Variants in ASAP1 observed in about 807,000 individuals in gnomAD.
ASAP1 encodes arf-GAP with SH3 domain, ANK repeat and PH domain-containing protein 1.
Under a neutral mutation model 145.2 loss-of-function variants are expected in ASAP1, and 43 were observed. That is an observed-to-expected ratio of 0.30 (90% CI 0.23 to 0.38). The LOEUF is 0.38. Among genes scored for constraint, ASAP1 ranks in the 10% least tolerant of loss-of-function variants. The pLI is 1.00. For synonymous variants in ASAP1, 546 were observed against 515.5 expected, an observed-to-expected ratio of 1.06 and a Z score of -0.80; for missense variants, 1,018 against 1,355.3, an observed-to-expected ratio of 0.75 and a Z score of 3.91.
chr8:130,098,051 T>C (rs2135468793), intron 24 of ASAP1, among the ~76,000 whole-genome samples: 1 of 152,338 alleles, frequency 6.6e-6, no homozygotes, highest in African/African-American at 2.4e-5. Flanking sequence ...TACTGAGTAT[T>C]ATGTGCTTGA....
intron 3 of ASAP1, among the ~76,000 whole-genome samples, chr8:130,346,043 T>A (rs942708370): frequency 1.3e-5 from 2 of 152,220 alleles, no homozygotes; most frequent in African/African-American, 4.8e-5. Flanking sequence ...CTTAACCGTA[T>A]TTGGAAAACT....
At chr8:130,294,494 C>T (rs752388936) in intron 3 of ASAP1, among the ~76,000 whole-genome samples, 1 of 152,222 alleles carries the variant, frequency 6.6e-6, no homozygotes, top group Non-Finnish European at 1.5e-5. Context: ...TGTCCAGCTG[C>T]ACAGTGACCT....
chr8:130,221,267 AAG>A (rs1218382536), intron 4 of ASAP1, among the ~76,000 whole-genome samples: 1 of 152,068 alleles, frequency 6.6e-6, no homozygotes, highest in Non-Finnish European at 1.5e-5. Context: ...AAAAGAAAGA[AAG>A]AGAAGGAAGG....
At chr8:130,059,422 C>A (rs2135038124) in intron 28 of ASAP1, among the ~76,000 whole-genome samples, 1 of 152,156 alleles carries the variant, frequency 6.6e-6, no homozygotes, top group East Asian at 1.9e-4. Flanking sequence ...ACTTTGGCCT[C>A]CCAAAGTGCT....
At chr8:130,356,300 G>A (rs995903083) in intron 3 of ASAP1, among the ~76,000 whole-genome samples, 2 of 152,138 alleles carry the variant, frequency 1.3e-5, no homozygotes, top group African/African-American at 4.8e-5. Context: ...ATAACTGGCA[G>A]CTCTATTAGG....
chr8:130,293,049 G>A (rs927081981), intron 3 of ASAP1, among the ~76,000 whole-genome samples: 1 of 152,186 alleles, frequency 6.6e-6, no homozygotes, highest in African/African-American at 2.4e-5. Flanking sequence ...AGCCCTAATT[G>A]GCAGCCCTGC....
At chr8:130,394,028 A>C (rs1055400815) in intron 2 of ASAP1, among the ~76,000 whole-genome samples, 2 of 152,224 alleles carry the variant, frequency 1.3e-5, no homozygotes, top group East Asian at 3.9e-4. Flanking sequence ...ATGTATGTCA[A>C]CTCAGGACCC....
In ASAP1 at chr8:130,208,549, T is replaced by G. The variant is rs570339228; in HGVS notation, c.405+6007A>C. On this transcript the variant is annotated intron_variant, in intron 5 of 29. Transcript: ENST00000518721. ...TTAAAGTCACTCTTTTAGGGAACTT[T>G]TTTTTTTTCACTTTAAGGCAATAAA... The G allele has an allele frequency of 2.0e-5, 3 of 152,304 alleles. No homozygotes were observed. The South Asian group carries it at 6.2e-4, about 32-fold the overall frequency. The allele number at this position is 152,304 out of a possible 1,614,324, so 9.4% of individuals were successfully genotyped here. A position where few individuals can be genotyped will look rare whatever the true frequency, so the allele number is the denominator to read the frequency against.
chr8:130,141,424 T>C (rs1399770075), intron 13 of ASAP1, among the ~76,000 whole-genome samples: 1 of 152,100 alleles, frequency 6.6e-6, no homozygotes, highest in Non-Finnish European at 1.5e-5. Context: ...CTCTCATCAA[T>C]CAGCACCTCC....
chr8:130,065,638 G>C (rs1160652278), intron 27 of ASAP1, among the ~76,000 whole-genome samples: 1 of 152,112 alleles, frequency 6.6e-6, no homozygotes, highest in Non-Finnish European at 1.5e-5. Context: ...AGCTCCATAG[G>C]CCATTCCTTG....
intron 3 of ASAP1, among the ~76,000 whole-genome samples, chr8:130,287,666 A>T (rs1358097764): frequency 2.6e-5 from 4 of 152,340 alleles, no homozygotes; most frequent in African/African-American, 9.6e-5. Context: ...CCTCTGCAAA[A>T]TGCGTAAGCC....
intron 12 of ASAP1, 122 bp downstream of exon 12, chr8:130,159,742 A>C (rs1173321348): frequency 4.1e-6 from 3 of 731,294 alleles, no homozygotes; most frequent in Non-Finnish European, 7.1e-6. Flanking sequence ...GAAGAAAACC[A>C]GTGTGCTAAA....
intron 3 of ASAP1, among the ~76,000 whole-genome samples, chr8:130,304,353 A>G (rs1230859562): frequency 6.6e-6 from 1 of 152,192 alleles, no homozygotes; most frequent in African/African-American, 2.4e-5. Context: ...GTCATCTTTG[A>G]AAGTCTGACA....
At chr8:130,357,335 C>A (rs954052474) in intron 3 of ASAP1, among the ~76,000 whole-genome samples, 1 of 152,240 alleles carries the variant, frequency 6.6e-6, no homozygotes, top group East Asian at 1.9e-4. Context: ...CCTTGTCCAG[C>A]CTCGGAGTGC....
At chr8:130,442,831 T>C (rs1830532045) in intron 1 of ASAP1, among the ~76,000 whole-genome samples, 1 of 152,096 alleles carries the variant, frequency 6.6e-6, no homozygotes, top group South Asian at 2.1e-4. Flanking sequence ...TGAAACTTCA[T>C]GTCGCTCTCA....
In ASAP1 at chr8:130,395,154, C is replaced by T. The variant is rs529948007; in HGVS notation, c.59+6731G>A. The stretch of plus-strand genomic sequence containing the variant: ...CTGGCAAGAAATCTGGAAGCACTCA[C>T]TCAGAGTAACACAGAGTTCCTGCCC... On this transcript the variant is annotated intron_variant, in intron 2 of 29. Transcript: ENST00000518721. Among the ~76,000 whole-genome samples, 8 of 152,316 alleles carry T rather than the reference C, an allele frequency of 5.3e-5. No individual in the cohort carries two copies. The South Asian group carries it at 1.7e-3, about 32-fold the overall frequency.
rs915773826 is a variant in ASAP1 at position 130,052,390 on chromosome 8, TG to T, written c.*2340del. 2.6e-5 allele frequency: 4 copies of T among 152,374 alleles called. No individual in the cohort carries two copies. Among genetic ancestry groups the T allele is most frequent in the Non-Finnish European group, 4.4e-5 (3 of 68,010 alleles). 9.4% of individuals were successfully genotyped at this position (152,374 alleles called of 1,614,324 possible). A position where few individuals can be genotyped will look rare whatever the true frequency, so the allele number is the denominator to read the frequency against. On this transcript the variant is annotated 3_prime_UTR_variant, in exon 30 of 30. Transcript: ENST00000518721. Reference sequence around the variant, plus strand: ...ATTTGCAGAACATAACTTTCCCCTCTGGGGGAAAAAGAACTAATTTGCTATT... The same window carrying T: ...ATTTGCAGAACATAACTTTCCCCTCTGGGGAAAAAGAACTAATTTGCTATT...
In ASAP1 at chr8:130,404,897, G is replaced by T. The variant is rs144625230; in HGVS notation, c.-27-2927C>A. Among the ~76,000 whole-genome samples the T allele has an allele frequency of 4.6e-5, 7 of 152,026 alleles. No homozygotes were observed. The East Asian group carries it at 1.4e-3, about 29-fold the overall frequency. ...ACAAAAGGAATATGTCTCCATAGCC[G>T]CTGTCTGTTGCTGCCTTTTAGTCTG... On this transcript the variant is annotated intron_variant, in intron 1 of 29. Transcript: ENST00000518721.
intron 3 of ASAP1, among the ~76,000 whole-genome samples, chr8:130,312,007 C>T (rs1048713121): frequency 6.6e-6 from 1 of 151,950 alleles, no homozygotes; most frequent in East Asian, 1.9e-4. Context: ...TACTCTTGTT[C>T]ACCTCATTAA....
Sources: gnomAD v4.1 joint callset for allele counts (sites outside exome capture counted in the v4.1 genomes callset) on GRCh38, gnomAD v4.1.1 for gene constraint, MANE v1.5 for transcripts, NCBI Gene and HGNC (gene_info 2026-07-23, HGNC 2026-07-21) for gene names.